PIP4K2B: variants seen among roughly 807,000 people sequenced by gnomAD.
PIP4K2B encodes phosphatidylinositol-5-phosphate 4-kinase type 2 beta.
Under a neutral mutation model 42.0 loss-of-function variants are expected in PIP4K2B, and 3 were observed. The ratio of observed to expected loss-of-function variants is 0.07; its 90% CI spans 0.03 to 0.18. The LOEUF (loss-of-function observed/expected upper bound fraction) is 0.18, where lower values mean the gene tolerates loss of function less well. Ranked by LOEUF, PIP4K2B falls within the 10% of genes least tolerant of loss-of-function variation. The pLI is 1.00. For missense variants in PIP4K2B, 332 were observed against 562.3 expected (o/e 0.59, Z 4.14); for synonymous variants, 204 against 210.1 (o/e 0.97, Z 0.25).
At position 38,770,267 on chromosome 17, in the gene PIP4K2B, G is replaced by A. The variant is rs571344988; in HGVS notation, c.1170+169C>T. 4.6e-5 allele frequency among the ~76,000 whole-genome samples: 7 copies of A among 152,318 alleles called. No individual in the cohort carries two copies. The East Asian group carries it at 1.4e-3, about 29-fold the overall frequency. On this transcript the variant is annotated intron_variant, in intron 9 of 9. Transcript: ENST00000619039. ...CAGGGAGCAGGTGGGTGAAGGCAGG[G>A]AACATGGCAAGGCAGGCAGGCTGCT...
intron 9 of PIP4K2B, 89 bp downstream of exon 9, chr17:38,770,347 G>C (rs1236055872): frequency 1.3e-6 from 1 of 757,488 alleles, no homozygotes; most frequent in Non-Finnish European, 2.4e-6. Flanking sequence ...CTTGGAGCAG[G>C]AGGCCTGAGA....
chr17:38,779,542 GGAA>G lies in PIP4K2B; in HGVS notation c.508-16_508-14del, dbSNP rs1567656446. ...ACTCCACTATAAACTAGAATGGAAA[GGAA>G]GAAGAGAGAGGACTAAGGAACAGGC... is the stretch of plus-strand genomic sequence containing the variant. On this transcript the variant is annotated splice_polypyrimidine_tract_variant and intron_variant, in intron 4 of 9. Coordinates refer to ENST00000619039, the MANE Select transcript of PIP4K2B (RefSeq NM_003559.5). The G allele has an allele frequency of 2.5e-6, 4 of 1,608,770 alleles. No individual in the cohort carries two copies. Among genetic ancestry groups the G allele is most frequent in the Non-Finnish European group, 3.4e-6 (4 of 1,175,338 alleles).
chr17:38,791,643 A>T (rs1381472984), intron 1 of PIP4K2B, among the ~76,000 whole-genome samples: 1 of 150,234 alleles, frequency 6.7e-6, no homozygotes, highest in African/African-American at 2.4e-5. Context: ...TCCCGACCTT[A>T]GGAGATCCAC....
At chr17:38,771,297 TG>T (rs757985970) in intron 7 of PIP4K2B, 25 bp from the exon 8 acceptor site, 48 of 1,613,430 alleles carry the variant, frequency 3.0e-5, no homozygotes, top group Non-Finnish European at 4.1e-5. Context: ...GATGGAAAGA[TG>T]GAAGGAAGAA....
At chr17:38,778,519 C>T (rs1389586262) in intron 5 of PIP4K2B, 147 bp from the exon 6 acceptor site, 1 of 770,148 alleles carries the variant, frequency 1.3e-6, no homozygotes, top group East Asian at 2.4e-5. Flanking sequence ...TTTACTGTGT[C>T]AAGCCCACTT....
chr17:38,787,848 C>T (rs1910120859), intron 1 of PIP4K2B, among the ~76,000 whole-genome samples: 1 of 152,100 alleles, frequency 6.6e-6, no homozygotes, highest in Non-Finnish European at 1.5e-5. Flanking sequence ...TCCACCTGCC[C>T]TGGCCTCCCA....
rs1021771506 is a variant in PIP4K2B, at chr17:38,767,966, C to T, written c.*1725G>A. On this transcript the variant is annotated 3_prime_UTR_variant, in exon 10 of 10. Coordinates refer to ENST00000619039, the MANE Select transcript of PIP4K2B (RefSeq NM_003559.5). The stretch of plus-strand genomic sequence containing the variant: ...CTTCCAGAAGGTTTCCCATCCAATC[C>T]AGCAGCCCCAGTGAAGTCCAAGAAT... 3 of 152,316 alleles carry T rather than the reference C, an allele frequency of 2.0e-5. No individual in the cohort carries two copies. The allele number at this position is 152,316 out of a possible 1,614,324, so 9.4% of individuals were successfully genotyped here. A position where few individuals can be genotyped will look rare whatever the true frequency, so the allele number is the denominator to read the frequency against.
At chr17:38,788,520 G>A (rs989290335) in intron 1 of PIP4K2B, among the ~76,000 whole-genome samples, 4 of 151,682 alleles carry the variant, frequency 2.6e-5, no homozygotes, top group African/African-American at 9.7e-5. Context: ...AAAGTGAGCA[G>A]TAGTAAATGT....
chr17:38,771,605 A>G (rs1235540486), intron 7 of PIP4K2B, among the ~76,000 whole-genome samples: 1 of 148,228 alleles, frequency 6.7e-6, no homozygotes, highest in Non-Finnish European at 1.5e-5. Flanking sequence ...GTGAGGGGTG[A>G]GCAAGACCCT....
At chr17:38,793,940 T>C (rs1053830535) in intron 1 of PIP4K2B, among the ~76,000 whole-genome samples, 1 of 149,884 alleles carries the variant, frequency 6.7e-6, no homozygotes, top group Non-Finnish European at 1.5e-5. Flanking sequence ...TGGGGTGGAA[T>C]GTAGGAGAGA....
In PIP4K2B at chr17:38,799,232, G is replaced by C. The variant is rs771690562; in HGVS notation, c.159+34C>G. On this transcript the variant is annotated intron_variant, in intron 1 of 9. Coordinates refer to ENST00000619039, the MANE Select transcript of PIP4K2B (RefSeq NM_003559.5). This position sits in a 1 kb window ranked among gnomAD's most constrained non-coding sequence, Gnocchi z 4.4. ...TGCAGGGGGCGTGGGAGCGCGCGGG[G>C]CCGCGCTCAGAGGGGCGCGCAGGAG... 1.3e-6 allele frequency: 2 copies of C among 1,554,112 alleles called. No individual in the cohort carries two copies. The highest frequency in any genetic ancestry group is 1.7e-4 in the Middle Eastern group (1 of 5,872).
rs1375176443 is a variant in PIP4K2B, at chr17:38,779,473, G to A, written c.564C>T (p.Arg188=). Reference sequence around the variant, plus strand: ...AGGTTTCCACACCATCCACGGTCAGGCGGTACATGCCCAGGAACTGTGGCA... The same window carrying A: ...AGGTTTCCACACCATCCACGGTCAGACGGTACATGCCCAGGAACTGTGGCA... ...TLLPQFLGMY[R]LTVDGVETYM... Residue 188 remains arginine, a synonymous_variant, in exon 5 of 10, where the codon CGC becomes CGT. Transcript: ENST00000619039. 1 of 1,614,020 alleles carries A rather than the reference G, an allele frequency of 6.2e-7. No individual in the cohort carries two copies. Among genetic ancestry groups the A allele is most frequent in the South Asian group, 1.1e-5 (1 of 91,086 alleles).
rs58027566 is a variant in PIP4K2B at position 38,791,406 on chromosome 17, A to ATTTTTT, written c.160-4492_160-4487dup. 9.7e-4 allele frequency among the ~76,000 whole-genome samples: 88 copies of ATTTTTT among 91,154 alleles called. 12 individuals are homozygous for ATTTTTT. The highest frequency in any genetic ancestry group is 3.6e-3 in the East Asian group (9 of 2,488). The allele number at this position is 91,154 out of a possible 152,430, so 59.8% of individuals were successfully genotyped here. ...TTTCCTAATCTGGCTCAGACTGCCA[A>ATTTTTT]TTTTTTTTTTTTTTTTTTTTTTTTT... On this transcript the variant is annotated intron_variant, in intron 1 of 9. Coordinates refer to ENST00000619039, the MANE Select transcript of PIP4K2B (RefSeq NM_003559.5).
rs370281338 is a variant in PIP4K2B, at chr17:38,787,029, CCT to C, written c.160-111_160-110del. 3.2e-4 allele frequency: 252 copies of C among 785,236 alleles called. 1 individual carries two copies. The African/African-American group carries it at 3.8e-3, about 12-fold the overall frequency. 48.6% of individuals were successfully genotyped at this position (785,236 alleles called of 1,614,324 possible). A position where few individuals can be genotyped will look rare whatever the true frequency, so the allele number is the denominator to read the frequency against. ...CTTGCTAAAAGCATGTCCAAGTTTC[CCT>C]CTCTGTCTTTTTTTGTTTTTTTGAG... On this transcript the variant is annotated intron_variant, in intron 1 of 9. Coordinates refer to ENST00000619039, the MANE Select transcript of PIP4K2B (RefSeq NM_003559.5).
intron 1 of PIP4K2B, among the ~76,000 whole-genome samples, chr17:38,789,744 T>C (rs1187682733): frequency 1.3e-5 from 2 of 152,068 alleles, no homozygotes; most frequent in African/African-American, 4.8e-5. Flanking sequence ...CATGGAGAAA[T>C]GAAGGAAGCC....
At chr17:38,793,832 A>G (rs1910471938) in intron 1 of PIP4K2B, among the ~76,000 whole-genome samples, 1 of 151,972 alleles carries the variant, frequency 6.6e-6, no homozygotes, top group South Asian at 2.1e-4. Context: ...TGATTGTGCC[A>G]CTGCACTTCA....
intron 3 of PIP4K2B, 140 bp downstream of exon 3, chr17:38,784,103 A>G: frequency 1.7e-6 from 1 of 589,666 alleles, no homozygotes; most frequent in Non-Finnish European, 3.0e-6. Context: ...GCTGGGGGAG[A>G]GACCGCCTGG....
At chr17:38,793,189 A>G (rs1373702836) in intron 1 of PIP4K2B, among the ~76,000 whole-genome samples, 2 of 144,488 alleles carry the variant, frequency 1.4e-5, no homozygotes, top group African/African-American at 5.2e-5. Flanking sequence ...TCGGCCTCCC[A>G]AAGTGCTGGG....
At chr17:38,778,228 G>C (rs544911484) in intron 6 of PIP4K2B, 106 bp downstream of exon 6, 1 of 967,592 alleles carries the variant, frequency 1.0e-6, no homozygotes, top group Non-Finnish European at 1.7e-6. Context: ...CAGACGGCAT[G>C]TCTGGGAGCT....
Sources: allele counts gnomAD v4.1 joint callset (sites outside exome capture counted in the v4.1 genomes callset), GRCh38; gene constraint gnomAD v4.1.1; non-coding constraint Gnocchi (gnomAD v3.1); transcripts MANE v1.5; gene names NCBI Gene and HGNC (gene_info 2026-07-23, HGNC 2026-07-21).